Variants in EVC2 observed in about 807,000 individuals in gnomAD.
EVC2 encodes limbin.
A neutral mutation model predicts 149.3 loss-of-function variants in EVC2; 148 were observed. That is an observed-to-expected ratio of 0.99 (90% CI 0.87 to 1.14). EVC2 has a LOEUF of 1.14. EVC2 is among the 50% of genes most tolerant of loss of function. EVC2 has a pLI of 0.00. For missense variants in EVC2, 1,854 were observed against 1,627.3 expected, an observed-to-expected ratio of 1.14 and a Z score of -2.40; for synonymous variants, 776 against 649.9, an observed-to-expected ratio of 1.19 and a Z score of -2.95.
At chr4:5,678,789 G>T (rs941766073) in intron 7 of EVC2, among the ~76,000 whole-genome samples, 2 of 152,162 alleles carry the variant, frequency 1.3e-5, no homozygotes, top group Non-Finnish European at 2.9e-5. Flanking sequence ...CCAGCACTTT[G>T]GGAGGCCGAG....
At chr4:5,635,838 A>C (rs1716859339) in intron 10 of EVC2, among the ~76,000 whole-genome samples, 1 of 152,154 alleles carries the variant, frequency 6.6e-6, no homozygotes, top group Non-Finnish European at 1.5e-5. Flanking sequence ...GAGCCTGGGT[A>C]TAGAAGACGA....
intron 3 of EVC2, among the ~76,000 whole-genome samples, chr4:5,692,344 T>C (rs1252116274): frequency 1.3e-5 from 2 of 152,146 alleles, no homozygotes; most frequent in African/African-American, 4.8e-5. Flanking sequence ...CCATAAAATG[T>C]CTGTCATTGG....
chr4:5,651,174 G>C (rs148249374), intron 9 of EVC2, among the ~76,000 whole-genome samples: 1 of 152,216 alleles, frequency 6.6e-6, no homozygotes, highest in Non-Finnish European at 1.5e-5. Context: ...GAATGCACGG[G>C]TAGGCGAATA....
rs186460595 is a variant in EVC2, at chr4:5,625,968, G to C, written c.1887-60C>G. The C allele has an allele frequency of 4.4e-6, 7 of 1,593,440 alleles. No homozygotes were observed. Among genetic ancestry groups the C allele is most frequent in the Admixed American group, 1.7e-5 (1 of 59,930 alleles). Reference sequence around the variant, plus strand: ...CTCCAAACTCACCTGTAGCTTAACTGCTATTGTGCCTGAACATTCATCTCC... The same window carrying C: ...CTCCAAACTCACCTGTAGCTTAACTCCTATTGTGCCTGAACATTCATCTCC... On this transcript the variant is annotated intron_variant, in intron 12 of 21. Coordinates refer to ENST00000344408, the MANE Select transcript of EVC2 (RefSeq NM_147127.5). The surrounding 1 kb of genome is among the most constrained non-coding windows in gnomAD (Gnocchi z 4.0).
At chr4:5,563,280 A>G (rs540177822) in intron 21 of EVC2, among the ~76,000 whole-genome samples, 165 bp from the exon 22 acceptor site, 1 of 152,332 alleles carries the variant, frequency 6.6e-6, no homozygotes. Flanking sequence ...CTGTAAAATT[A>G]GCTGAAGCCT....
In EVC2 at chr4:5,670,733, C is replaced by A. The variant is rs1261542956; in HGVS notation, c.871-5084G>T. On this transcript the variant is annotated intron_variant, in intron 7 of 21. Transcript: ENST00000344408. The surrounding 1 kb of genome is among the most constrained non-coding windows in gnomAD (Gnocchi z 5.2). ...AATATCTCCATCACCATCATCTTCA[C>A]CATCACCATCAACGCCATCATCAGC... 6.6e-6 allele frequency among the ~76,000 whole-genome samples: 1 copy of A among 151,848 alleles called. No individual in the cohort carries two copies. The highest frequency in any genetic ancestry group is 1.5e-5 in the Non-Finnish European group (1 of 67,988).
rs201912839 is a variant in EVC2 at position 5,615,571 on chromosome 4, G to C, written c.2707-27C>G. 4 of 1,614,066 alleles carry C rather than the reference G, an allele frequency of 2.5e-6. No homozygotes were observed. In the East Asian group the frequency reaches 8.9e-5, roughly 36 times the overall value. On this transcript the variant is annotated intron_variant, in intron 15 of 21. Coordinates refer to ENST00000344408, the MANE Select transcript of EVC2 (RefSeq NM_147127.5). ...TGGAGAGGGGTTGGGGAAGACGTGG[G>C]TAAGAAGGCAATCACCAGCAAGTCC...
In EVC2 at chr4:5,637,036, G is replaced by A. The variant is rs552340614; in HGVS notation, c.1470+3478C>T. On this transcript the variant is annotated intron_variant, in intron 10 of 21. Coordinates refer to ENST00000344408, the MANE Select transcript of EVC2 (RefSeq NM_147127.5). The surrounding 1 kb of genome is among the most constrained non-coding windows in gnomAD (Gnocchi z 4.4). ...GAGTGATGGTGCCTGCCCAATACAC[G>A]CTGGCTTGCAAGGTGGTGTGGGTGG... is the stretch of plus-strand genomic sequence containing the variant. 6.6e-6 allele frequency among the ~76,000 whole-genome samples: 1 copy of A among 152,138 alleles called. No homozygotes were observed. The highest frequency in any genetic ancestry group is 2.4e-5 in the African/African-American group (1 of 41,434).
rs536508606 is a variant in EVC2, at chr4:5,545,863, T to C, written c.3420-2651A>G. On this transcript the variant is annotated intron_variant and NMD_transcript_variant, in intron 21 of 22. Transcript: ENST00000475313. ...GCAGGGATGAGGAAGAGAGGAGAAT[T>C]GGGAAATGATTTGCAAGAAGATGTC... Among the ~76,000 whole-genome samples the C allele has an allele frequency of 2.4e-4, 36 of 152,232 alleles. No individual in the cohort carries two copies. In the South Asian group the frequency reaches 7.2e-3, roughly 31 times the overall value.
At chr4:5,544,608 C>CA (rs890483676) in intron 21 of EVC2, among the ~76,000 whole-genome samples, 9 of 151,842 alleles carry the variant, frequency 5.9e-5, no homozygotes, top group African/African-American at 1.2e-4. Context: ...TCCCATAATT[C>CA]AAAAAAAATG....
rs527277667 is a variant in EVC2 at position 5,608,860 on chromosome 4, A to G, written c.2829+6562T>C. Among the ~76,000 whole-genome samples, 5 of 152,294 alleles carry G rather than the reference A, an allele frequency of 3.3e-5. No homozygotes were observed. The South Asian group carries it at 1.0e-3, about 32-fold the overall frequency. ...AAGAGATGAGTATCTGAATCAGCAG[A>G]TAGTAGAGATTACCCTCCCCAATGT... On this transcript the variant is annotated intron_variant, in intron 16 of 21. Transcript: ENST00000344408.
chr4:5,589,879 T>C (rs900598397), intron 16 of EVC2, among the ~76,000 whole-genome samples: 40 of 152,180 alleles, frequency 2.6e-4, no homozygotes, highest in African/African-American at 8.4e-4. Flanking sequence ...ATTGGAGTGT[T>C]TAACAAATAT....
chr4:5,686,453 A>G lies in EVC2; in HGVS notation c.707-974T>C, dbSNP rs1175718948. 6.6e-6 allele frequency among the ~76,000 whole-genome samples: 1 copy of G among 152,220 alleles called. No homozygotes were observed. Among genetic ancestry groups the G allele is most frequent in the Non-Finnish European group, 1.5e-5 (1 of 68,036 alleles). On this transcript the variant is annotated intron_variant, in intron 5 of 21. Coordinates refer to ENST00000344408, the MANE Select transcript of EVC2 (RefSeq NM_147127.5). The surrounding 1 kb of genome is among the most constrained non-coding windows in gnomAD (Gnocchi z 5.4). Reference sequence around the variant, plus strand: ...AATGACGGGGAAAGAAGTCATAGTCAGACCTTCCCCATACAGTGATTTCAT... The same window carrying G: ...AATGACGGGGAAAGAAGTCATAGTCGGACCTTCCCCATACAGTGATTTCAT...
intron 9 of EVC2, among the ~76,000 whole-genome samples, chr4:5,645,342 T>C (rs1166237311): frequency 6.6e-6 from 1 of 151,862 alleles, no homozygotes; most frequent in Non-Finnish European, 1.5e-5. Flanking sequence ...TTGTTGTGCA[T>C]ATTATTTTGT....
At chr4:5,560,321 G>A (rs1721913891), downstream of EVC2, among the ~76,000 whole-genome samples, 2 of 152,128 alleles carry the variant, frequency 1.3e-5, no homozygotes, top group Admixed American at 1.3e-4. This position sits in a 1 kb window ranked among gnomAD's most constrained non-coding sequence, Gnocchi z 4.1. Context: ...AAATACATGA[G>A]ACTGGGTAAT....
At chr4:5,653,873 C>T (rs1025942409) in intron 9 of EVC2, among the ~76,000 whole-genome samples, 1 of 152,192 alleles carries the variant, frequency 6.6e-6, no homozygotes, top group Non-Finnish European at 1.5e-5. Flanking sequence ...CTCTCTTCAG[C>T]GCTGAGATGC....
intron 1 of EVC2, among the ~76,000 whole-genome samples, chr4:5,706,791 G>C (rs995453317): frequency 2.0e-5 from 3 of 152,144 alleles, no homozygotes; most frequent in Non-Finnish European, 2.9e-5. Context: ...GGCGTGGGCA[G>C]GGCCAGGGCC....
chr4:5,581,547 TCTG>T (rs1711793830), intron 17 of EVC2, among the ~76,000 whole-genome samples: 1 of 152,242 alleles, frequency 6.6e-6, no homozygotes, highest in African/African-American at 2.4e-5. Flanking sequence ...ATTTAGGGTA[TCTG>T]CTGGAAGAAA....
downstream of EVC2, among the ~76,000 whole-genome samples, chr4:5,559,938 T>G (rs1721907717): frequency 1.3e-5 from 2 of 152,148 alleles, no homozygotes. This position sits in a 1 kb window ranked among gnomAD's most constrained non-coding sequence, Gnocchi z 5.0. Context: ...AAGACTGCAG[T>G]GTGGAAATCT....
Sources: gnomAD v4.1 joint callset for allele counts (sites outside exome capture counted in the v4.1 genomes callset) on GRCh38, gnomAD v4.1.1 for gene constraint, Gnocchi (gnomAD v3.1) non-coding constraint, MANE v1.5 for transcripts, NCBI Gene and HGNC (gene_info 2026-07-23, HGNC 2026-07-21) for gene names.